Variants in TMEM132D observed in about 807,000 individuals in gnomAD.
TMEM132D encodes the protein transmembrane protein 132D.
A neutral mutation model predicts 62.3 loss-of-function variants in TMEM132D; 21 were observed. That is an observed-to-expected ratio of 0.34 (90% CI 0.24 to 0.49). The LOEUF (loss-of-function observed/expected upper bound fraction) is 0.49. Ranked by LOEUF, TMEM132D falls within the 20% of genes least tolerant of loss-of-function variation. The pLI, the probability that TMEM132D is intolerant of heterozygous loss-of-function variation, is 0.99. For synonymous variants in TMEM132D, 621 were observed against 575.6 expected, an observed-to-expected ratio of 1.08 and a Z score of -1.13; for missense variants, 1,346 against 1,402.8, an observed-to-expected ratio of 0.96 and a Z score of 0.65.
At chr12:129,224,776 C>T (rs1054297323) in intron 4 of TMEM132D, among the ~76,000 whole-genome samples, 27 of 152,102 alleles carry the variant, frequency 1.8e-4, no homozygotes, top group South Asian at 2.1e-4. Context: ...ATGGTGGCCA[C>T]GCCTGCAGTC....
intron 4 of TMEM132D, among the ~76,000 whole-genome samples, chr12:129,212,982 C>T (rs2135568983): frequency 6.6e-6 from 1 of 152,230 alleles, no homozygotes; most frequent in Middle Eastern, 3.4e-3. Context: ...GAAGTAGATC[C>T]TGGGACAAAG....
chr12:129,095,346 G>GTTTTTTTT (rs34044401), intron 5 of TMEM132D, among the ~76,000 whole-genome samples: 1 of 105,354 alleles, frequency 9.5e-6, no homozygotes, highest in African/African-American at 3.7e-5. Context: ...ATGCCTGCTG[G>GTTTTTTTT]TTTTTTTTTT....
intron 1 of TMEM132D, among the ~76,000 whole-genome samples, chr12:129,833,086 A>G (rs1372773148): frequency 6.6e-6 from 1 of 152,188 alleles, no homozygotes; most frequent in Non-Finnish European, 1.5e-5. Flanking sequence ...CTCGTGCCTG[A>G]GTGCAGGCTG....
intron 1 of TMEM132D, among the ~76,000 whole-genome samples, chr12:129,895,918 C>A (rs1332876902): frequency 6.6e-6 from 1 of 150,414 alleles, no homozygotes; most frequent in Non-Finnish European, 1.5e-5. Flanking sequence ...TTGCTGGATA[C>A]CAGCTTTTGA....
intron 4 of TMEM132D, among the ~76,000 whole-genome samples, chr12:129,300,881 T>C (rs1447298177): frequency 6.6e-6 from 1 of 152,200 alleles, no homozygotes; most frequent in African/African-American, 2.4e-5. Flanking sequence ...GACCCGTTCA[T>C]TTCATTCCTC....
chr12:129,711,669 G>C (rs1280648368), intron 1 of TMEM132D, among the ~76,000 whole-genome samples: 1 of 149,534 alleles, frequency 6.7e-6, no homozygotes, highest in African/African-American at 2.5e-5. Context: ...GGAGGTTGGA[G>C]TGAGCCGAGA....
intron 5 of TMEM132D, among the ~76,000 whole-genome samples, chr12:129,197,331 C>T (rs1284560360): frequency 6.6e-6 from 1 of 152,072 alleles, no homozygotes; most frequent in Non-Finnish European, 1.5e-5. Flanking sequence ...AGAAGATGAG[C>T]GATAGAGCAA....
At chr12:129,579,554 T>C (rs1877782418) in intron 2 of TMEM132D, among the ~76,000 whole-genome samples, 1 of 152,116 alleles carries the variant, frequency 6.6e-6, no homozygotes. Context: ...GGCAAACCAG[T>C]GGTGTAAATC....
chr12:129,477,685 G>T (rs1874308757), intron 3 of TMEM132D, among the ~76,000 whole-genome samples: 1 of 152,106 alleles, frequency 6.6e-6, no homozygotes. Context: ...GCTGGGCGTG[G>T]TGGTGGGCAC....
intron 1 of TMEM132D, among the ~76,000 whole-genome samples, chr12:129,755,363 A>G (rs1870133096): frequency 1.3e-5 from 2 of 152,196 alleles, no homozygotes; most frequent in African/African-American, 4.8e-5. Flanking sequence ...TTTTTACGAA[A>G]AGTGTGCTAT....
Position 129,073,643 on chromosome 12 carries a change from A to G in TMEM132D, c.*232T>C, listed in dbSNP as rs1874146884. 1 of 415,038 alleles carries G rather than the reference A, an allele frequency of 2.4e-6. No homozygotes were observed. The highest frequency in any genetic ancestry group is 2.0e-5 in the African/African-American group (1 of 48,962). 25.7% of individuals were successfully genotyped at this position (415,038 alleles called of 1,614,324 possible). ...CTCGTTTTTGTTTCAAGTCTTAAAA[A>G]TCTTGCCATGCATGATAAACCTCTT... On this transcript the variant is annotated 3_prime_UTR_variant, in exon 9 of 9. Transcript: ENST00000422113.
At chr12:129,773,928 C>A (rs1035158428) in intron 1 of TMEM132D, among the ~76,000 whole-genome samples, 3 of 152,154 alleles carry the variant, frequency 2.0e-5, no homozygotes, top group African/African-American at 7.2e-5. Flanking sequence ...CTAAGATATA[C>A]AGCTCTGGTT....
chr12:129,829,220 A>T (rs975598903), intron 1 of TMEM132D, among the ~76,000 whole-genome samples: 1 of 152,182 alleles, frequency 6.6e-6, no homozygotes, highest in Non-Finnish European at 1.5e-5. Flanking sequence ...ATGAAAAAAA[A>T]GAAAACCAGA....
chr12:129,290,038 T>C lies in TMEM132D; in HGVS notation c.1299+47596A>G, dbSNP rs143289382. 5.7e-3 allele frequency among the ~76,000 whole-genome samples: 872 copies of C among 152,360 alleles called. 22 individuals carry two copies. Among genetic ancestry groups the C allele is most frequent in the Admixed American group, 0.048 (734 of 15,302 alleles). On this transcript the variant is annotated intron_variant, in intron 4 of 8. Transcript: ENST00000422113. ...GTATTTATTAATAGGTTCATATCAA[T>C]GTTTATTTCCTGGTTTTGATCCTTG...
At chr12:129,726,850 T>G (rs1530898) in intron 1 of TMEM132D, among the ~76,000 whole-genome samples, 4 of 151,864 alleles carry the variant, frequency 2.6e-5, no homozygotes, top group Non-Finnish European at 1.5e-5. Context: ...ACAGGAGTTC[T>G]GTTCCCAACT....
At chr12:129,207,735 T>C (rs558328205) in intron 5 of TMEM132D, among the ~76,000 whole-genome samples, 1 of 149,764 alleles carries the variant, frequency 6.7e-6, no homozygotes, top group African/African-American at 2.5e-5. Context: ...TGGCTTTTAC[T>C]GTGAGGAGGG....
At chr12:129,405,572 G>T (rs1383299541) in intron 3 of TMEM132D, among the ~76,000 whole-genome samples, 1 of 152,158 alleles carries the variant, frequency 6.6e-6, no homozygotes, top group Non-Finnish European at 1.5e-5. Context: ...CCCACTGCAG[G>T]TGCTGTAGTG....
intron 4 of TMEM132D, among the ~76,000 whole-genome samples, chr12:129,335,156 G>A (rs1869233406): frequency 1.7e-5 from 2 of 117,878 alleles, no homozygotes; most frequent in South Asian, 2.7e-4. Context: ...TTTTGAGGCA[G>A]GGTCTCACCC....
At chr12:129,773,949 A>T (rs186444979) in intron 1 of TMEM132D, among the ~76,000 whole-genome samples, 25 of 152,332 alleles carry the variant, frequency 1.6e-4, no homozygotes, top group African/African-American at 5.8e-4. Flanking sequence ...ACTAAATGAG[A>T]CAATGCATAT....
Sources: gnomAD v4.1 joint callset for allele counts (sites outside exome capture counted in the v4.1 genomes callset) on GRCh38, gnomAD v4.1.1 for gene constraint, MANE v1.5 for transcripts, NCBI Gene and HGNC (gene_info 2026-07-23, HGNC 2026-07-21) for gene names.